CFAP43: variants seen among roughly 807,000 people sequenced by gnomAD.
CFAP43 encodes cilia and flagella associated protein 43, also known as cilia- and flagella-associated protein 43.
CFAP43 carries 155 observed loss-of-function variants against 218.9 expected under a neutral mutation model. The observed-to-expected ratio is 0.71, with a 90% confidence interval of 0.62 to 0.81. The LOEUF (loss-of-function observed/expected upper bound fraction) is 0.81, where lower values mean the gene tolerates loss of function less well. Ranked by LOEUF, CFAP43 falls within the 30% of genes least tolerant of loss-of-function variation. The pLI, the probability that CFAP43 is intolerant of heterozygous loss-of-function variation, is 0.00. For missense variants in CFAP43, 1,778 were observed against 1,954.3 expected, an observed-to-expected ratio of 0.91 and a Z score of 1.70; for synonymous variants, 645 against 681.3, an observed-to-expected ratio of 0.95 and a Z score of 0.83.
intron 3 of CFAP43, among the ~76,000 whole-genome samples, chr10:104,224,113 A>G (rs761307550): frequency 4.6e-5 from 7 of 152,048 alleles, no homozygotes; most frequent in Non-Finnish European, 7.4e-5. Flanking sequence ...GCGCAATCTC[A>G]GCTCACTGCA....
At position 104,172,455 on chromosome 10, in the gene CFAP43, C is replaced by T. The variant is rs2089451033; in HGVS notation, c.2541G>A (p.Glu847=). 1.2e-6 allele frequency: 2 copies of T among 1,608,858 alleles called. No homozygotes were observed. The highest frequency in any genetic ancestry group is 1.7e-6 in the Non-Finnish European group (2 of 1,178,724). Residue 847 remains glutamate, a synonymous_variant, in exon 20 of 38, where the codon GAG becomes GAA. Coordinates refer to ENST00000357060, the MANE Select transcript of CFAP43 (RefSeq NM_025145.7). The part of the protein sequence containing the change: ...LDQQEFGLDL[E]ELERLHDESQ... Reference sequence around the variant, plus strand: ...TTTCATCATGAAGCCTTTCTAGTTCCTCAAGATCCAGACCAAATTCCTGTT... The same window carrying T: ...TTTCATCATGAAGCCTTTCTAGTTCTTCAAGATCCAGACCAAATTCCTGTT...
At chr10:104,216,861 G>C (rs1232693463) in intron 3 of CFAP43, among the ~76,000 whole-genome samples, 1 of 152,120 alleles carries the variant, frequency 6.6e-6, no homozygotes, top group Non-Finnish European at 1.5e-5. Context: ...CTCAGCCTCT[G>C]CTTTCCAAGG....
intron 19 of CFAP43, among the ~76,000 whole-genome samples, chr10:104,177,477 A>G (rs1589710947): frequency 1.3e-5 from 2 of 152,148 alleles, no homozygotes; most frequent in Non-Finnish European, 2.9e-5. Context: ...CTGCCCTGCA[A>G]TCTGAGCCCC....
intron 5 of CFAP43, among the ~76,000 whole-genome samples, chr10:104,210,431 A>C (rs1055130430): frequency 6.6e-6 from 1 of 152,172 alleles, no homozygotes; most frequent in Non-Finnish European, 1.5e-5. Flanking sequence ...CAATGGTGCA[A>C]TCTTGGCTCA....
chr10:104,205,651 G>T (rs541087806), intron 7 of CFAP43, among the ~76,000 whole-genome samples: 1 of 152,288 alleles, frequency 6.6e-6, no homozygotes, highest in Admixed American at 6.5e-5. Context: ...TACATTAAGT[G>T]TAGAAATGAG....
intron 3 of CFAP43, among the ~76,000 whole-genome samples, chr10:104,222,110 C>A (rs2091197852): frequency 6.6e-6 from 1 of 152,180 alleles, no homozygotes; most frequent in African/African-American, 2.4e-5. Context: ...CTTCTTAGAT[C>A]AATTTACTTC....
chr10:104,212,027 T>C lies in CFAP43; in HGVS notation c.715A>G (p.Lys239Glu), dbSNP rs1490226785. Residue 239 changes from lysine (K) to glutamate (E), a missense_variant, in exon 5 of 38, where the codon AAA (lysine) becomes GAA (glutamate). This residue lies in a region of CFAP43 where 1,553 missense variants were observed against 1,685.2 expected (regional missense o/e 0.92). Transcript: ENST00000357060. ...PLSAIAGLVG[K>E]EAETFRPKDD... ...ATTACCCGGAAAGTCTCTGCCTCTT[T>C]GCCTACCAGCCCGGCAATGGCTGAC... is the stretch of plus-strand genomic sequence containing the variant. 6.2e-7 allele frequency: 1 copy of C among 1,613,514 alleles called. No homozygotes were observed. The highest frequency in any genetic ancestry group is 1.7e-5 in the Admixed American group (1 of 59,972).
chr10:104,218,392 C>T (rs923638573), intron 3 of CFAP43, among the ~76,000 whole-genome samples: 1 of 149,434 alleles, frequency 6.7e-6, no homozygotes, highest in Admixed American at 6.7e-5. Flanking sequence ...CTTGTGTTTC[C>T]AAAAAGAATT....
chr10:104,225,430 A>C, intron 3 of CFAP43, 31 bp downstream of exon 3: 4 of 1,512,324 alleles, frequency 2.6e-6, no homozygotes, highest in Non-Finnish European at 3.6e-6. Flanking sequence ...GTAACCCAGT[A>C]AAAGGAATTC....
chr10:104,210,783 CTTT>C (rs68153454), intron 5 of CFAP43, among the ~76,000 whole-genome samples: 3 of 75,458 alleles, frequency 4.0e-5, no homozygotes, highest in Non-Finnish European at 2.3e-5. Context: ...GTGAAACACT[CTTT>C]TTTTTTTTTT....
intron 20 of CFAP43, 34 bp downstream of exon 20, chr10:104,172,376 A>G (rs2089446460): frequency 6.3e-7 from 1 of 1,586,134 alleles, no homozygotes; most frequent in South Asian, 1.2e-5. Context: ...CTTTCATCAT[A>G]ACTTTATGGT....
chr10:104,151,195 C>A (rs2134774946), intron 28 of CFAP43, among the ~76,000 whole-genome samples: 1 of 152,312 alleles, frequency 6.6e-6, no homozygotes, highest in Non-Finnish European at 1.5e-5. Context: ...AATAGTACTG[C>A]AGTGAACATA....
At chr10:104,161,574 G>A (rs1226202381) in intron 26 of CFAP43, among the ~76,000 whole-genome samples, 1 of 152,192 alleles carries the variant, frequency 6.6e-6, no homozygotes. Flanking sequence ...ATTTGTTTGT[G>A]TCTTGTCAGA....
intron 26 of CFAP43, 107 bp downstream of exon 26, chr10:104,161,854 T>G: frequency 1.0e-6 from 1 of 954,812 alleles, no homozygotes; most frequent in Non-Finnish European, 1.6e-6. Flanking sequence ...TAATAGTTGT[T>G]GCTGTAGAAC....
intron 28 of CFAP43, among the ~76,000 whole-genome samples, chr10:104,150,097 C>T (rs2088176576): frequency 6.6e-6 from 1 of 151,962 alleles, no homozygotes; most frequent in Admixed American, 6.6e-5. Context: ...AAGGTTCATC[C>T]ATGTTGTACC....
intron 25 of CFAP43, 79 bp downstream of exon 25, chr10:104,162,238 G>T: frequency 2.2e-6 from 3 of 1,390,410 alleles, no homozygotes; most frequent in South Asian, 1.2e-5. Flanking sequence ...ATGTGTTGAT[G>T]GGTTATTAAA....
intron 34 of CFAP43, among the ~76,000 whole-genome samples, chr10:104,139,307 A>C (rs1168575361): frequency 6.6e-6 from 1 of 152,236 alleles, no homozygotes; most frequent in African/African-American, 2.4e-5. Flanking sequence ...CAGAAGAAAT[A>C]TTCAGAGATA....
chr10:104,194,125 G>A (rs1328563131), intron 10 of CFAP43, 111 bp from the exon 11 acceptor site: 2 of 1,277,590 alleles, frequency 1.6e-6, no homozygotes, highest in African/African-American at 1.5e-5. Flanking sequence ...AAAGTGGCAA[G>A]TGTTGTGTGG....
At chr10:104,132,872 A>T (rs1379751242) in intron 35 of CFAP43, 1 of 833,844 alleles carries the variant, frequency 1.2e-6, no homozygotes, top group Admixed American at 6.2e-5. Context: ...CCTAGTCTTC[A>T]TGGGAAAATG....
Sources: allele counts gnomAD v4.1 joint callset (sites outside exome capture counted in the v4.1 genomes callset), GRCh38; gene constraint gnomAD v4.1.1; regional missense constraint gnomAD v4.1.1; transcripts MANE v1.5; gene names NCBI Gene and HGNC (gene_info 2026-07-23, HGNC 2026-07-21).